SEL1L3: variants seen among roughly 807,000 people sequenced by gnomAD.
SEL1L3 encodes the protein SEL1L family member 3.
A neutral mutation model predicts 142.8 loss-of-function variants in SEL1L3; 76 were observed. The ratio of observed to expected loss-of-function variants is 0.53; its 90% confidence interval spans 0.44 to 0.64. The LOEUF (loss-of-function observed/expected upper bound fraction) is 0.64. Among genes scored for constraint, SEL1L3 ranks in the 30% least tolerant of loss-of-function variants. The pLI is 0.00. For synonymous variants in SEL1L3, 504 were observed against 519.6 expected (o/e 0.97, Z 0.41); for missense variants, 1,262 against 1,381.7 (o/e 0.91, Z 1.37).
intron 23 of SEL1L3, among the ~76,000 whole-genome samples, chr4:25,751,135 C>T (rs1239039427): frequency 6.6e-6 from 1 of 152,088 alleles, no homozygotes; most frequent in Non-Finnish European, 1.5e-5. Flanking sequence ...AGGTTTGTGG[C>T]CAGGCAGAAG....
chr4:25,799,418 G>A (rs980029117), intron 11 of SEL1L3, among the ~76,000 whole-genome samples: 1 of 152,116 alleles, frequency 6.6e-6, no homozygotes, highest in African/African-American at 2.4e-5. Context: ...TGGATTAGAG[G>A]TCTACCTTAA....
At chr4:25,716,933 C>T in the SEL1L3 span, among the ~76,000 whole-genome samples, 1 of 152,024 alleles carries the variant, frequency 6.6e-6, no homozygotes, top group Non-Finnish European at 1.5e-5. Context: ...TCGAGACCAG[C>T]CTGGTCAACA....
chr4:25,817,907 A>G (rs1303415262), intron 9 of SEL1L3, among the ~76,000 whole-genome samples: 1 of 152,176 alleles, frequency 6.6e-6, no homozygotes, highest in Non-Finnish European at 1.5e-5. Context: ...TTCAATAAAG[A>G]ATTGCTTGAG....
chr4:25,785,815 A>G (rs1462306865), intron 13 of SEL1L3, among the ~76,000 whole-genome samples: 3 of 152,132 alleles, frequency 2.0e-5, no homozygotes, highest in Non-Finnish European at 1.5e-5. Flanking sequence ...TAATAAGTTT[A>G]TCTTCTCCAA....
intron 1 of SEL1L3, among the ~76,000 whole-genome samples, chr4:25,851,227 G>GT (rs1217300474): frequency 6.6e-6 from 1 of 152,140 alleles, no homozygotes; most frequent in Non-Finnish European, 1.5e-5. Context: ...AAATTGCAAC[G>GT]TTTTCTAGTA....
the SEL1L3 span, among the ~76,000 whole-genome samples, chr4:25,730,800 G>A: frequency 6.6e-6 from 1 of 152,074 alleles, no homozygotes; most frequent in Non-Finnish European, 1.5e-5. Context: ...AGGCCGAGGT[G>A]GGCAGATCAC....
the SEL1L3 span, among the ~76,000 whole-genome samples, chr4:25,719,053 G>A: frequency 2.0e-5 from 3 of 152,130 alleles, no homozygotes; most frequent in African/African-American, 7.2e-5. Context: ...GCACATGCCT[G>A]TAATTCCAGC....
chr4:25,834,185 A>C (rs1325882117), intron 3 of SEL1L3, among the ~76,000 whole-genome samples: 1 of 152,214 alleles, frequency 6.6e-6, no homozygotes, highest in African/African-American at 2.4e-5. Context: ...GGGCTATTTT[A>C]GTCGAAAAAA....
chr4:25,790,335 T>A (rs1327027278), intron 12 of SEL1L3, 120 bp downstream of exon 12: 1 of 938,536 alleles, frequency 1.1e-6, no homozygotes, highest in African/African-American at 1.6e-5. Context: ...ACATGCAGTG[T>A]GAGTGAGAAA....
intron 1 of SEL1L3, among the ~76,000 whole-genome samples, chr4:25,852,132 A>G (rs1716949865): frequency 6.6e-6 from 1 of 152,196 alleles, no homozygotes; most frequent in African/African-American, 2.4e-5. Context: ...TCATCTCATA[A>G]TTAGAAGCAG....
chr4:25,853,036 T>A (rs1405123508), intron 1 of SEL1L3, among the ~76,000 whole-genome samples: 1 of 152,200 alleles, frequency 6.6e-6, no homozygotes, highest in Non-Finnish European at 1.5e-5. Context: ...CTGAGTGTGG[T>A]TTCAGTTTTG....
Position 25,788,602 on chromosome 4 carries a change from G to A in SEL1L3, c.2077-238C>T, listed in dbSNP as rs1160782801. The stretch of plus-strand genomic sequence containing the variant: ...TGTGTGTGTGTGTGTGTGTGTGTGT[G>A]TGTGTGTGTGTGTGTGTGTATCTAC... On this transcript the variant is annotated intron_variant, in intron 12 of 23. Coordinates refer to ENST00000399878, the MANE Select transcript of SEL1L3 (RefSeq NM_015187.5). This position sits in a 1 kb window ranked among gnomAD's most constrained non-coding sequence, Gnocchi z 5.3. Among the ~76,000 whole-genome samples the A allele has an allele frequency of 2.6e-5, 4 of 151,418 alleles. No homozygotes were observed. Among genetic ancestry groups the A allele is most frequent in the African/African-American group, 9.7e-5 (4 of 41,260 alleles).
chr4:25,815,603 A>C (rs1184467956), intron 9 of SEL1L3, among the ~76,000 whole-genome samples: 2 of 152,132 alleles, frequency 1.3e-5, no homozygotes, highest in African/African-American at 4.8e-5. Flanking sequence ...ACTCTTGTAA[A>C]GACAATTTTG....
the SEL1L3 span, among the ~76,000 whole-genome samples, chr4:25,737,798 A>G: frequency 7.9e-5 from 12 of 152,226 alleles, no homozygotes; most frequent in African/African-American, 2.7e-4. Context: ...TATAATACCT[A>G]ATACAATGTA....
chr4:25,838,935 C>T (rs1047431473), intron 2 of SEL1L3, among the ~76,000 whole-genome samples: 4 of 152,300 alleles, frequency 2.6e-5, no homozygotes, highest in Middle Eastern at 3.4e-3. Context: ...GTAACAAAAC[C>T]CCACTCCAGA....
At chr4:25,839,562 C>A (rs1432603912) in intron 2 of SEL1L3, among the ~76,000 whole-genome samples, 3 of 152,158 alleles carry the variant, frequency 2.0e-5, no homozygotes, top group Non-Finnish European at 2.9e-5. Flanking sequence ...TGTTAATGAG[C>A]GCAGGTCTGT....
intron 2 of SEL1L3, among the ~76,000 whole-genome samples, chr4:25,846,277 C>A (rs910325549): frequency 6.6e-6 from 1 of 152,162 alleles, no homozygotes; most frequent in Non-Finnish European, 1.5e-5. Flanking sequence ...TTGGAGCCTC[C>A]GGGATTGGTC....
intron 16 of SEL1L3, among the ~76,000 whole-genome samples, chr4:25,777,442 A>C (rs1344543652): frequency 6.6e-6 from 1 of 152,192 alleles, no homozygotes; most frequent in Non-Finnish European, 1.5e-5. Context: ...CAGAAAAAGA[A>C]ACATCAGAAA....
chr4:25,768,480 G>A (rs1718913744), intron 17 of SEL1L3, among the ~76,000 whole-genome samples: 1 of 152,160 alleles, frequency 6.6e-6, no homozygotes, highest in African/African-American at 2.4e-5. Flanking sequence ...TACAACTACT[G>A]CCAGCTTGAG....
Sources: allele counts gnomAD v4.1 joint callset (sites outside exome capture counted in the v4.1 genomes callset), GRCh38; gene constraint gnomAD v4.1.1; non-coding constraint Gnocchi (gnomAD v3.1); transcripts MANE v1.5; gene names NCBI Gene and HGNC (gene_info 2026-07-23, HGNC 2026-07-21).